Variants in DOCK8 observed in about 807,000 individuals in gnomAD.
The protein encoded by DOCK8 is dedicator of cytokinesis 8.
DOCK8 carries 141 observed loss-of-function variants against 245.6 expected under a neutral mutation model. The ratio of observed to expected loss-of-function variants is 0.57; its 90% CI spans 0.50 to 0.66. DOCK8 has a LOEUF of 0.66. Among genes scored for constraint, DOCK8 ranks in the 30% least tolerant of loss-of-function variants. DOCK8 has a pLI of 0.00. For missense variants in DOCK8, 2,965 were observed against 2,603.4 expected (o/e 1.14, Z -3.02); for synonymous variants, 1,168 against 970.2 (o/e 1.20, Z -3.79).
At chr9:213,321 T>A (rs752097762), upstream of DOCK8, 3 of 152,080 alleles carry the variant, frequency 2.0e-5, no homozygotes, top group Non-Finnish European at 4.4e-5. Flanking sequence ...AGAGACTGAA[T>A]ATAGTCCTTA....
At position 286,506 on chromosome 9, in the gene DOCK8, C is replaced by A. The variant is rs980203348; in HGVS notation, c.202C>A (p.Leu68Met). The A allele has an allele frequency of 2.5e-6, 4 of 1,613,914 alleles. No individual in the cohort carries two copies. In the East Asian group the frequency reaches 6.7e-5, roughly 27 times the overall value. Residue 68 changes from leucine (L) to methionine (M), a missense_variant, in exon 3 of 48, where the codon CTG becomes ATG. Leu to Met is a conservative substitution (Grantham distance 15). This residue lies in a region of DOCK8 where 2,825 missense variants were observed against 2,453.5 expected (regional missense o/e 1.15). Transcript: ENST00000432829. ...GGAGCCAGTGGACTTTGAAGGACTT[C>A]TGATGACACACCTGAACAGCCTGGA... Reference protein sequence around the residue: ...PVEPVDFEGLLMTHLNSLDVQ... With the variant: ...PVEPVDFEGLMMTHLNSLDVQ...
At chr9:430,129 C>T (rs1330929011) in intron 36 of DOCK8, among the ~76,000 whole-genome samples, 1 of 152,202 alleles carries the variant, frequency 6.6e-6, no homozygotes, top group African/African-American at 2.4e-5. Flanking sequence ...AATCCCAGCA[C>T]TTTGGGAGGC....
upstream of DOCK8, among the ~76,000 whole-genome samples, chr9:211,736 G>C (rs1035061864): frequency 2.0e-5 from 3 of 152,102 alleles, no homozygotes; most frequent in Non-Finnish European, 4.4e-5. Flanking sequence ...GTCATTCCAA[G>C]ATACAGGCCT....
chr9:352,161 G>C (rs2052202851), intron 14 of DOCK8, among the ~76,000 whole-genome samples: 1 of 152,152 alleles, frequency 6.6e-6, no homozygotes, highest in African/African-American at 2.4e-5. Flanking sequence ...CACAGCTCTA[G>C]AGATAGCTGC....
At chr9:403,910 A>ATG (rs2055248527) in intron 26 of DOCK8, among the ~76,000 whole-genome samples, 2 of 89,742 alleles carry the variant, frequency 2.2e-5, no homozygotes, top group African/African-American at 1.5e-4. Context: ...ATATATATAT[A>ATG]TATATACATA....
rs1186219114 is a variant in DOCK8 at position 443,466 on chromosome 9, G to T, written c.5530G>T (p.Val1844Leu). ...ATGTTTTGGTGCAGAATTTGTGGAA[G>T]TGATTAAAGACTCCACTCCTGTGGA... Reference protein sequence around the residue: ...GQCFGAEFVEVIKDSTPVDKT... With the variant: ...GQCFGAEFVELIKDSTPVDKT... The change falls in exon 43 of 48, where the codon GTG becomes TTG. Residue 1844 changes from valine to leucine, a missense_variant. Transcript: ENST00000432829. 1 of 1,614,082 alleles carries T rather than the reference G, an allele frequency of 6.2e-7. No homozygotes were observed. Among genetic ancestry groups the T allele is most frequent in the Admixed American group, 1.7e-5 (1 of 60,028 alleles).
intron 1 of DOCK8, among the ~76,000 whole-genome samples, chr9:250,522 T>C (rs75776575): frequency 0.037 from 5,695 of 152,268 alleles, 345 homozygotes; most frequent in African/African-American, 0.13. Context: ...TTTTTCCTTA[T>C]TGGGATTCCC....
chr9:338,465 G>A (rs1396448427), intron 12 of DOCK8, among the ~76,000 whole-genome samples: 1 of 152,120 alleles, frequency 6.6e-6, no homozygotes, highest in African/African-American at 2.4e-5. Context: ...GTCTCACTGG[G>A]AATAAGACAT....
chr9:312,106 G>T lies in DOCK8; in HGVS notation c.681G>T (p.Glu227Asp). The T allele has an allele frequency of 2.5e-6, 4 of 1,614,238 alleles. No individual in the cohort carries two copies. Among genetic ancestry groups the T allele is most frequent in the Non-Finnish European group, 3.4e-6 (4 of 1,180,040 alleles). The change falls in exon 6 of 48, where the codon GAG becomes GAT. Residue 227 changes from glutamate (E) to aspartate (D), a missense_variant. Physicochemically the swap from Glu to Asp is conservative, Grantham distance 45. Coordinates refer to ENST00000432829, the MANE Select transcript of DOCK8 (RefSeq NM_203447.4). ...CCGAGGACTTTGAGAAGCAGAACGAGGAGGCCCGGAGGACCAATAGGCAGG... is the reference window on the plus strand; with the variant it reads ...CCGAGGACTTTGAGAAGCAGAACGATGAGGCCCGGAGGACCAATAGGCAGG... ...VSAEDFEKQN[E>D]EARRTNRQAE...
At chr9:374,582 C>T (rs1033575852) in intron 18 of DOCK8, among the ~76,000 whole-genome samples, 1 of 150,208 alleles carries the variant, frequency 6.7e-6, no homozygotes, top group Admixed American at 6.7e-5. Context: ...TCACCTCGGC[C>T]TCCTTAGTAG....
At chr9:224,521 G>T (rs968324929) in intron 1 of DOCK8, among the ~76,000 whole-genome samples, 2 of 152,122 alleles carry the variant, frequency 1.3e-5, no homozygotes, top group Non-Finnish European at 2.9e-5. Flanking sequence ...TTTGCTCAGG[G>T]AGGCCCAGTC....
intron 14 of DOCK8, among the ~76,000 whole-genome samples, chr9:345,368 A>G (rs898246857): frequency 3.3e-5 from 5 of 152,228 alleles, no homozygotes; most frequent in African/African-American, 1.2e-4. Context: ...TGTCGGGCCA[A>G]ACAATAAATG....
At chr9:399,065 T>G (rs2054605477) in intron 25 of DOCK8, 81 bp from the exon 26 acceptor site, 3 of 1,312,524 alleles carry the variant, frequency 2.3e-6, no homozygotes, top group Non-Finnish European at 3.3e-6. Context: ...GACCTGTCTC[T>G]CCCAATGTTC....
intron 17 of DOCK8, 71 bp from the exon 18 acceptor site, chr9:372,114 C>T (rs758055910): frequency 7.3e-5 from 98 of 1,342,062 alleles, no homozygotes; most frequent in South Asian, 4.8e-4. Context: ...TTGATTATTG[C>T]GAGCTAGATA....
intron 1 of DOCK8, among the ~76,000 whole-genome samples, chr9:237,772 GT>G (rs561400934): frequency 1.5e-3 from 234 of 151,502 alleles, no homozygotes; most frequent in Admixed American, 5.3e-3. Flanking sequence ...TGTTCAGCCA[GT>G]TTTTTTTTCT....
rs759164764 is a variant in DOCK8, at chr9:336,594, T to A, written c.1298T>A (p.Val433Glu). 2 of 1,614,164 alleles carry A rather than the reference T, an allele frequency of 1.2e-6. No individual in the cohort carries two copies. The highest frequency in any genetic ancestry group is 3.3e-4 in the Middle Eastern group (2 of 6,062). ...GTTTTTCTTAAAGGGAGAAGCTCAG[T>A]GGGTGAACGGAGGACATTGGCCCAA... ...DVDSVVGRSSVGERRTLAQSR... is the reference protein window; with the variant it reads ...DVDSVVGRSSEGERRTLAQSR... Residue 433 changes from valine (V) to glutamate (E), a missense_variant, in exon 12 of 48, where the codon GTG (valine) becomes GAG (glutamate). Physicochemically the swap from Val to Glu is moderately radical, Grantham distance 121. Around this residue, in one of 3 missense-constraint regions of DOCK8, gnomAD observed 2,825 missense variants for 2,453.5 expected, o/e 1.15. Transcript: ENST00000432829.
intron 6 of DOCK8, among the ~76,000 whole-genome samples, chr9:315,130 A>G (rs576997622): frequency 1.1e-4 from 16 of 152,332 alleles, no homozygotes; most frequent in South Asian, 6.2e-4. Context: ...TTCTTGGCTC[A>G]CCTAAGAAAA....
intron 26 of DOCK8, among the ~76,000 whole-genome samples, chr9:400,955 A>ACCT (rs1554692480): frequency 5.6e-4 from 67 of 119,652 alleles, no homozygotes; most frequent in Non-Finnish European, 7.6e-4. Context: ...CATCACCACC[A>ACCT]CCACCACCAC....
chr9:249,648 C>T, intron 1 of DOCK8, among the ~76,000 whole-genome samples: 1 of 151,512 alleles, frequency 6.6e-6, no homozygotes, highest in African/African-American at 2.4e-5. Flanking sequence ...GGAGTCTCGC[C>T]CTGTTGCCCA....
Sources: gnomAD v4.1 joint callset for allele counts (sites outside exome capture counted in the v4.1 genomes callset) on GRCh38, gnomAD v4.1.1 for gene constraint, gnomAD v4.1.1 regional missense constraint, MANE v1.5 for transcripts, NCBI Gene and HGNC (gene_info 2026-07-23, HGNC 2026-07-21) for gene names.